Variants in ZNRF3 observed in about 807,000 individuals in gnomAD.
The protein encoded by ZNRF3 is zinc and ring finger 3.
A neutral mutation model predicts 72.5 loss-of-function variants in ZNRF3; 23 were observed. The observed-to-expected ratio is 0.32, with a 90% CI of 0.23 to 0.45. The LOEUF is 0.45. Ranked by LOEUF, ZNRF3 falls within the 20% of genes least tolerant of loss-of-function variation. The probability of loss-of-function intolerance (pLI) is 1.00; values close to 1 mark genes in which losing one functional copy is unlikely to be tolerated. For missense variants in ZNRF3, 1,169 were observed against 1,272.1 expected (o/e 0.92, Z 1.23); for synonymous variants, 610 against 545.3 (o/e 1.12, Z -1.65).
At position 29,054,868 on chromosome 22, in the gene ZNRF3, C is replaced by G. The variant is rs7290117; in HGVS notation, c.*1246C>G. On this transcript the variant is annotated 3_prime_UTR_variant, in exon 9 of 9. Transcript: ENST00000544604. ...TATCCCATTTCCCCCACGGAAGCACCGCTTCAGGGTTATTCAGTCCTCTGC... is the reference window on the plus strand; with the variant it reads ...TATCCCATTTCCCCCACGGAAGCACGGCTTCAGGGTTATTCAGTCCTCTGC... The G allele has an allele frequency of 2.6e-5, 4 of 153,038 alleles. No homozygotes were observed. The highest frequency in any genetic ancestry group is 5.9e-5 in the Non-Finnish European group (4 of 68,164). 9.5% of individuals were successfully genotyped at this position (153,038 alleles called of 1,614,324 possible).
At chr22:29,015,060 C>T (rs2036409549) in intron 2 of ZNRF3, among the ~76,000 whole-genome samples, 1 of 152,194 alleles carries the variant, frequency 6.6e-6, no homozygotes, top group South Asian at 2.1e-4. Context: ...CACTTTGCTA[C>T]CATATAAGTA....
chr22:28,954,543 T>C (rs1466120323), intron 1 of ZNRF3, among the ~76,000 whole-genome samples: 1 of 152,224 alleles, frequency 6.6e-6, no homozygotes, highest in African/African-American at 2.4e-5. Flanking sequence ...TTATTTAGTG[T>C]TTTTCTTTAA....
chr22:29,021,736 C>T (rs2036544341), intron 2 of ZNRF3, among the ~76,000 whole-genome samples: 1 of 152,186 alleles, frequency 6.6e-6, no homozygotes, highest in South Asian at 2.1e-4. Context: ...GACCCACCCA[C>T]CTCGACCTCC....
chr22:29,007,509 G>T (rs2123849802), intron 2 of ZNRF3, among the ~76,000 whole-genome samples: 1 of 151,874 alleles, frequency 6.6e-6, no homozygotes, highest in East Asian at 1.9e-4. Context: ...TGGGCCTGGT[G>T]GCACCCACTT....
chr22:28,912,668 T>C (rs1043254775), intron 1 of ZNRF3, among the ~76,000 whole-genome samples: 19 of 147,238 alleles, frequency 1.3e-4, no homozygotes, highest in African/African-American at 2.0e-4. Context: ...CTTTCTTTTT[T>C]TTTTTTTTTT....
At position 28,952,923 on chromosome 22, in the gene ZNRF3, G is replaced by C. The variant is rs10854809; in HGVS notation, c.301-34153G>C. Reference sequence around the variant, plus strand: ...ATTAGGTCTTTTGAGTTAAGTTTCAGGATAAGGCAGCATTTTTCTAAAATC... The same window carrying C: ...ATTAGGTCTTTTGAGTTAAGTTTCACGATAAGGCAGCATTTTTCTAAAATC... On this transcript the variant is annotated intron_variant, in intron 1 of 8. Coordinates refer to ENST00000544604, the MANE Select transcript of ZNRF3 (RefSeq NM_001206998.2). 2.7e-3 allele frequency among the ~76,000 whole-genome samples: 404 copies of C among 152,308 alleles called. 2 individuals are homozygous for C. The highest frequency in any genetic ancestry group is 4.4e-3 in the Non-Finnish European group (299 of 68,030).
chr22:29,023,715 T>C (rs1370413845), intron 2 of ZNRF3, among the ~76,000 whole-genome samples: 1 of 152,222 alleles, frequency 6.6e-6, no homozygotes, highest in African/African-American at 2.4e-5. Context: ...TGGCCAGAAC[T>C]CTTCCCTCCA....
intron 1 of ZNRF3, among the ~76,000 whole-genome samples, chr22:28,979,567 A>G (rs2035730091): frequency 6.6e-6 from 1 of 152,204 alleles, no homozygotes; most frequent in Non-Finnish European, 1.5e-5. Context: ...ATGACTCAGT[A>G]ATCAATAACT....
intron 2 of ZNRF3, among the ~76,000 whole-genome samples, chr22:29,000,215 C>G (rs1203651082): frequency 6.6e-6 from 1 of 152,184 alleles, no homozygotes; most frequent in Non-Finnish European, 1.5e-5. Context: ...GTTCTAAGCA[C>G]TGTTGGATTA....
intron 1 of ZNRF3, among the ~76,000 whole-genome samples, chr22:28,978,902 T>G (rs760716439): frequency 1.9e-4 from 29 of 152,350 alleles, no homozygotes; most frequent in Non-Finnish European, 3.4e-4. Flanking sequence ...TCCAATGTAG[T>G]TATATCACAT....
chr22:29,020,561 G>A (rs562188820), intron 2 of ZNRF3, among the ~76,000 whole-genome samples: 7 of 151,456 alleles, frequency 4.6e-5, no homozygotes, highest in African/African-American at 1.2e-4. Flanking sequence ...GTGCCTGGCC[G>A]CAACCATCCT....
chr22:29,028,888 A>G (rs920314735), intron 2 of ZNRF3, among the ~76,000 whole-genome samples: 6 of 152,234 alleles, frequency 3.9e-5, no homozygotes, highest in African/African-American at 1.4e-4. Context: ...TTCTGGCCAC[A>G]GGGTGAGGAG....
chr22:29,039,489 C>T lies in ZNRF3; in HGVS notation c.427-3006C>T, dbSNP rs536251319. 3.9e-5 allele frequency among the ~76,000 whole-genome samples: 6 copies of T among 152,274 alleles called. No homozygotes were observed. In the East Asian group the frequency reaches 9.7e-4, roughly 25 times the overall value. ...GAATGAGAGGGGCTGTTTATTTCCTCATTTTTAGTGCTTTTCCTCAGGGCC... is the reference window on the plus strand; with the variant it reads ...GAATGAGAGGGGCTGTTTATTTCCTTATTTTTAGTGCTTTTCCTCAGGGCC... On this transcript the variant is annotated intron_variant, in intron 2 of 8. Transcript: ENST00000544604.
chr22:28,960,312 C>T (rs1294893131), intron 1 of ZNRF3, among the ~76,000 whole-genome samples: 1 of 152,052 alleles, frequency 6.6e-6, no homozygotes. Flanking sequence ...TGTACTGTCT[C>T]ATGGGTTTTT....
intron 2 of ZNRF3, among the ~76,000 whole-genome samples, chr22:28,990,021 T>A (rs1218667393): frequency 6.6e-6 from 1 of 152,246 alleles, no homozygotes; most frequent in African/African-American, 2.4e-5. Flanking sequence ...CCCCTCCTTC[T>A]CTTCTTTTCC....
chr22:29,031,681 G>A (rs918187757), intron 2 of ZNRF3: 36 of 968,398 alleles, frequency 3.7e-5, no homozygotes, highest in Non-Finnish European at 4.3e-5. Context: ...GGGGATAACA[G>A]GACTCAAAGA....
At position 28,944,509 on chromosome 22, in the gene ZNRF3, C is replaced by T. The variant is rs369139585; in HGVS notation, c.301-42567C>T. Among the ~76,000 whole-genome samples the T allele has an allele frequency of 3.0e-3, 459 of 151,322 alleles. 3 individuals are homozygous for T. The highest frequency in any genetic ancestry group is 0.01 in the African/African-American group (430 of 41,526). Reference sequence around the variant, plus strand: ...GTGGCTCACGCCTGTAATCCCAGCACTCTGGGAGGCCGAGGCAGGTGGATC... The same window carrying T: ...GTGGCTCACGCCTGTAATCCCAGCATTCTGGGAGGCCGAGGCAGGTGGATC... On this transcript the variant is annotated intron_variant, in intron 1 of 8. Coordinates refer to ENST00000544604, the MANE Select transcript of ZNRF3 (RefSeq NM_001206998.2).
At chr22:28,977,637 G>A (rs2035698867) in intron 1 of ZNRF3, among the ~76,000 whole-genome samples, 1 of 152,120 alleles carries the variant, frequency 6.6e-6, no homozygotes, top group Non-Finnish European at 1.5e-5. Flanking sequence ...AAATCCCCAG[G>A]AATTTTTTGA....
At chr22:29,022,899 G>A (rs1416108394) in intron 2 of ZNRF3, among the ~76,000 whole-genome samples, 2 of 152,172 alleles carry the variant, frequency 1.3e-5, no homozygotes, top group African/African-American at 4.8e-5. Context: ...TGGGGTACAA[G>A]TATAATTTGG....
Sources: allele counts gnomAD v4.1 joint callset (sites outside exome capture counted in the v4.1 genomes callset), GRCh38; gene constraint gnomAD v4.1.1; transcripts MANE v1.5; gene names NCBI Gene and HGNC (gene_info 2026-07-23, HGNC 2026-07-21).